MDGA2: variants seen among roughly 807,000 people sequenced by gnomAD.
MDGA2 encodes the protein MAM domain-containing glycosylphosphatidylinositol anchor protein 2.
In MDGA2, 40 loss-of-function variants were observed where a neutral mutation model predicts 117.8. That is an observed-to-expected ratio of 0.34 (90% CI 0.26 to 0.44). The LOEUF is 0.44. Among genes scored for constraint, MDGA2 ranks in the 20% least tolerant of loss-of-function variants. MDGA2 has a pLI of 1.00. For missense variants in MDGA2, 1,123 were observed against 1,250.6 expected, an observed-to-expected ratio of 0.90 and a Z score of 1.54; for synonymous variants, 452 against 439.0, an observed-to-expected ratio of 1.03 and a Z score of -0.37.
intron 5 of MDGA2, among the ~76,000 whole-genome samples, chr14:47,122,399 C>A (rs2139109650): frequency 6.6e-6 from 1 of 151,992 alleles, no homozygotes; most frequent in South Asian, 2.1e-4. Flanking sequence ...CATTGAGTGA[C>A]CAATTGTTTT....
At chr14:47,360,390 T>TAAATAAATAAAA (rs775091570) in intron 1 of MDGA2, among the ~76,000 whole-genome samples, 6 of 126,832 alleles carry the variant, frequency 4.7e-5, no homozygotes, top group African/African-American at 8.6e-5. Context: ...AATAAATAAA[T>TAAATAAATAAAA]AAAATAAAAT....
rs527453991 is a variant in MDGA2 at position 47,056,288 on chromosome 14, A to T, written c.1525+4961T>A. Among the ~76,000 whole-genome samples the T allele has an allele frequency of 1.3e-5, 2 of 152,268 alleles. 1 individual carries two copies. Among genetic ancestry groups the T allele is most frequent in the African/African-American group, 4.8e-5 (2 of 41,576 alleles). On this transcript the variant is annotated intron_variant, in intron 7 of 16. Coordinates refer to ENST00000399232, the MANE Select transcript of MDGA2 (RefSeq NM_001113498.3). ...GTACTGTAGTCCTGTGTTATCAACAACTTTCATTTTGCAGATGTGAATACT... is the reference window on the plus strand; with the variant it reads ...GTACTGTAGTCCTGTGTTATCAACATCTTTCATTTTGCAGATGTGAATACT...
chr14:47,152,823 C>T (rs1273616638), intron 3 of MDGA2, among the ~76,000 whole-genome samples: 1 of 151,924 alleles, frequency 6.6e-6, no homozygotes. Flanking sequence ...GAAATAAATC[C>T]TAAATTATGA....
chr14:46,921,992 T>C (rs1884150308), intron 9 of MDGA2, among the ~76,000 whole-genome samples: 1 of 152,068 alleles, frequency 6.6e-6, no homozygotes, highest in South Asian at 2.1e-4. Flanking sequence ...CTAAGGGTGA[T>C]TGATTCAGTT....
chr14:47,327,982 CGTAGA>C (rs111779662), intron 1 of MDGA2, among the ~76,000 whole-genome samples: 6,148 of 152,198 alleles, frequency 0.04, 161 homozygotes, highest in African/African-American at 0.076. Context: ...TGCTGAATGA[CGTAGA>C]GTAATGTACT....
intron 14 of MDGA2, among the ~76,000 whole-genome samples, chr14:46,872,988 A>G (rs1308880123): frequency 1.5e-5 from 2 of 135,778 alleles, no homozygotes; most frequent in African/African-American, 5.3e-5. Flanking sequence ...CATACTTTAA[A>G]AACATGAAAA....
At chr14:47,632,580 T>C (rs570764642) in intron 1 of MDGA2, among the ~76,000 whole-genome samples, 1 of 152,344 alleles carries the variant, frequency 6.6e-6, no homozygotes, top group South Asian at 2.1e-4. Context: ...AAGTTCAAAC[T>C]TGTTATCTTA....
At chr14:47,308,875 T>C (rs1279337587) in intron 1 of MDGA2, among the ~76,000 whole-genome samples, 1 of 152,066 alleles carries the variant, frequency 6.6e-6, no homozygotes, top group Non-Finnish European at 1.5e-5. Flanking sequence ...GAAGACCACT[T>C]TGGTAAATCG....
intron 5 of MDGA2, among the ~76,000 whole-genome samples, chr14:47,108,241 C>CA: frequency 6.6e-6 from 1 of 152,212 alleles, no homozygotes. Context: ...TAACACCCCC[C>CA]AAAAAATTTT....
At chr14:47,298,683 C>CTTTTTTTT (rs66784813) in intron 2 of MDGA2, among the ~76,000 whole-genome samples, 2 of 126,128 alleles carry the variant, frequency 1.6e-5, no homozygotes, top group Non-Finnish European at 3.3e-5. Context: ...CTTAATTTTT[C>CTTTTTTTT]TTTTTTTTTT....
chr14:47,312,799 G>A (rs1049191894), intron 1 of MDGA2, among the ~76,000 whole-genome samples: 1 of 145,382 alleles, frequency 6.9e-6, no homozygotes, highest in Non-Finnish European at 1.5e-5. Context: ...TGAAATGCTG[G>A]AATTTCAGGC....
intron 2 of MDGA2, among the ~76,000 whole-genome samples, chr14:47,266,726 T>C (rs535776526): frequency 6.6e-6 from 1 of 152,298 alleles, no homozygotes; most frequent in African/African-American, 2.4e-5. Context: ...CTCTCACCAC[T>C]TAGCTTTCTA....
At chr14:47,495,820 A>G (rs1165231962) in intron 1 of MDGA2, among the ~76,000 whole-genome samples, 2 of 152,234 alleles carry the variant, frequency 1.3e-5, no homozygotes. Context: ...TTGCTTTTCA[A>G]AGAAGAACAA....
At chr14:46,911,322 G>A (rs1378921173) in intron 10 of MDGA2, among the ~76,000 whole-genome samples, 3 of 152,120 alleles carry the variant, frequency 2.0e-5, no homozygotes, top group Non-Finnish European at 4.4e-5. Flanking sequence ...TTTTAAAACA[G>A]AAAACAGAAG....
At chr14:46,889,506 T>C (rs1882797963) in intron 10 of MDGA2, among the ~76,000 whole-genome samples, 1 of 152,106 alleles carries the variant, frequency 6.6e-6, no homozygotes, top group Non-Finnish European at 1.5e-5. Flanking sequence ...ACTTCTTGTT[T>C]GAACTCAACT....
At chr14:47,366,661 A>T (rs146054865) in intron 1 of MDGA2, among the ~76,000 whole-genome samples, 1 of 152,124 alleles carries the variant, frequency 6.6e-6, no homozygotes, top group African/African-American at 2.4e-5. Context: ...AAAGTATATA[A>T]TACTAAATTT....
intron 1 of MDGA2, among the ~76,000 whole-genome samples, chr14:47,532,550 G>C (rs1419145482): frequency 1.3e-5 from 2 of 152,178 alleles, no homozygotes; most frequent in Non-Finnish European, 2.9e-5. Context: ...GGGACCAATA[G>C]AGCAAATCAA....
chr14:46,964,248 G>C (rs1885926432), intron 8 of MDGA2, among the ~76,000 whole-genome samples: 1 of 152,150 alleles, frequency 6.6e-6, no homozygotes, highest in Non-Finnish European at 1.5e-5. Context: ...AAACCATCTT[G>C]GACATTAGAG....
chr14:47,298,762 G>A (rs1306982879), intron 2 of MDGA2, among the ~76,000 whole-genome samples: 2 of 145,202 alleles, frequency 1.4e-5, no homozygotes, highest in East Asian at 2.0e-4. Flanking sequence ...TCGGCTCACT[G>A]CAAGCTCCGC....
Sources: gnomAD v4.1 joint callset for allele counts (sites outside exome capture counted in the v4.1 genomes callset) on GRCh38, gnomAD v4.1.1 for gene constraint, MANE v1.5 for transcripts, NCBI Gene and HGNC (gene_info 2026-07-23, HGNC 2026-07-21) for gene names.